The following MUCL1 variants were observed in gnomAD, a reference collection of about 807,000 sequenced individuals.
MUCL1 encodes the protein mucin-like protein 1.
A neutral mutation model predicts 9.2 loss-of-function variants in MUCL1; 11 were observed. The observed-to-expected ratio is 1.19, with a 90% confidence interval of 0.75 to 1.97. The LOEUF is 1.97. Among genes scored for constraint, MUCL1 ranks in the 30% most tolerant of loss-of-function variants. MUCL1 has a pLI of 0.00. For synonymous variants in MUCL1, 48 were observed against 40.5 expected (o/e 1.19, Z -0.71); for missense variants, 144 against 110.9 (o/e 1.30, Z -1.34).
chr12:54,841,257 A>C (rs1467132137), intron 1 of MUCL1, among the ~76,000 whole-genome samples: 1 of 152,202 alleles, frequency 6.6e-6, no homozygotes, highest in Non-Finnish European at 1.5e-5. Context: ...ACCGACACTT[A>C]GATTGTTTTT....
intron 2 of MUCL1, among the ~76,000 whole-genome samples, chr12:54,856,308 C>T (rs551938175): frequency 3.3e-5 from 5 of 152,254 alleles, no homozygotes; most frequent in Middle Eastern, 3.4e-3. Context: ...TGAGATACGT[C>T]TTCTTAGTCT....
intron 1 of MUCL1, among the ~76,000 whole-genome samples, chr12:54,841,987 C>T (rs1542360): frequency 0.033 from 4,973 of 152,120 alleles, 263 homozygotes; most frequent in African/African-American, 0.11. Flanking sequence ...TGTAATTTTT[C>T]TTCAAGATTA....
upstream of MUCL1, among the ~76,000 whole-genome samples, chr12:54,853,173 A>T (rs912794948): frequency 6.6e-6 from 1 of 152,212 alleles, no homozygotes; most frequent in South Asian, 2.1e-4. Flanking sequence ...CAATGAGGGT[A>T]TGACCCAAAA....
At chr12:54,835,624 G>A (rs1206200151), upstream of MUCL1, among the ~76,000 whole-genome samples, 1 of 144,424 alleles carries the variant, frequency 6.9e-6, no homozygotes, top group Non-Finnish European at 1.5e-5. Context: ...TTTTTTTCTG[G>A]CTGATTTGTT....
intron 3 of MUCL1, 145 bp downstream of exon 3, chr12:54,857,037 G>A: frequency 7.9e-7 from 1 of 1,265,474 alleles, no homozygotes; most frequent in Non-Finnish European, 1.1e-6. Context: ...TCTAAGTCAA[G>A]TCAACAGATA....
At chr12:54,834,535 T>C (rs924647049), upstream of MUCL1, among the ~76,000 whole-genome samples, 11 of 152,060 alleles carry the variant, frequency 7.2e-5, no homozygotes, top group African/African-American at 2.4e-4. Context: ...TGTTTTGATA[T>C]ACACAGTGAA....
intron 1 of MUCL1, among the ~76,000 whole-genome samples, chr12:54,844,255 T>A (rs774385906): frequency 1.3e-5 from 2 of 152,094 alleles, no homozygotes. Flanking sequence ...ATTTTTTTTA[T>A]TGGGGGATAA....
intron 2 of MUCL1, 162 bp downstream of exon 2, chr12:54,855,319 A>C: frequency 1.6e-6 from 1 of 629,866 alleles, no homozygotes; most frequent in Non-Finnish European, 2.9e-6. Context: ...CACCACAAAC[A>C]TAGTGAATCT....
rs561543818 is a variant in MUCL1 at position 54,832,440 on chromosome 12, T to G, written n.357+1565T>G. 1.6e-4 allele frequency among the ~76,000 whole-genome samples: 24 copies of G among 152,254 alleles called. No homozygotes were observed. In the South Asian group the frequency reaches 5.0e-3, roughly 32 times the overall value. On this transcript the variant is annotated intron_variant and non_coding_transcript_variant, in intron 1 of 3. Transcript: ENST00000547990. ...CCTCTGTTTTATGTTGTCTTTATCA[T>G]GTCTTTGATTACTTAAGAGTCTTCA...
chr12:54,842,562 A>G (rs1346794691), intron 1 of MUCL1, among the ~76,000 whole-genome samples: 3 of 152,144 alleles, frequency 2.0e-5, no homozygotes, highest in Admixed American at 1.3e-4. Flanking sequence ...CCATGTTGCC[A>G]TAAATACACA....
At chr12:54,852,054 T>A (rs1224949759), upstream of MUCL1, among the ~76,000 whole-genome samples, 1 of 152,150 alleles carries the variant, frequency 6.6e-6, no homozygotes, top group African/African-American at 2.4e-5. Flanking sequence ...GTTGGAAGAA[T>A]CAATATTGTG....
intron 1 of MUCL1, among the ~76,000 whole-genome samples, chr12:54,831,749 GTC>G (rs1959185715): frequency 1.3e-5 from 2 of 151,958 alleles, no homozygotes; most frequent in Admixed American, 1.3e-4. Flanking sequence ...ATATATTTGA[GTC>G]TGTTAATTTT....
At chr12:54,854,880 A>G (rs1035424575) in intron 1 of MUCL1, among the ~76,000 whole-genome samples, 2 of 152,146 alleles carry the variant, frequency 1.3e-5, no homozygotes, top group Non-Finnish European at 2.9e-5. Flanking sequence ...TTAGTAAAAT[A>G]TGTTCAAGAA....
intron 1 of MUCL1, among the ~76,000 whole-genome samples, chr12:54,849,142 T>C (rs1959299649): frequency 6.6e-6 from 1 of 152,134 alleles, no homozygotes; most frequent in South Asian, 2.1e-4. Context: ...GTTTATAATT[T>C]AAGGCCATTT....
chr12:54,839,483 C>G, intron 1 of MUCL1: 1 of 701,302 alleles, frequency 1.4e-6, no homozygotes, highest in Non-Finnish European at 2.6e-6. Context: ...GGACAGAGAT[C>G]CCAGCCTTGA....
intron 1 of MUCL1, among the ~76,000 whole-genome samples, chr12:54,844,494 C>T (rs1959232297): frequency 6.6e-6 from 1 of 152,194 alleles, no homozygotes; most frequent in Non-Finnish European, 1.5e-5. Flanking sequence ...TTTAGCACAA[C>T]ATCTTTATAA....
chr12:54,832,028 T>C (rs1486372721), intron 1 of MUCL1, among the ~76,000 whole-genome samples: 1 of 152,090 alleles, frequency 6.6e-6, no homozygotes, highest in African/African-American at 2.4e-5. Flanking sequence ...TATACGAGTA[T>C]GAAGGATGTG....
chr12:54,851,675 A>G (rs1284353179), upstream of MUCL1, among the ~76,000 whole-genome samples: 1 of 152,278 alleles, frequency 6.6e-6, no homozygotes, highest in East Asian at 1.9e-4. Context: ...CAGGCAGGAG[A>G]AGGAAATAAA....
chr12:54,843,091 C>T (rs555523975), intron 1 of MUCL1, among the ~76,000 whole-genome samples: 23 of 152,206 alleles, frequency 1.5e-4, no homozygotes, highest in Non-Finnish European at 2.6e-4. Context: ...ATAACATCTA[C>T]GTTTGTGTAA....
Sources: gnomAD v4.1 joint callset for allele counts (sites outside exome capture counted in the v4.1 genomes callset) on GRCh38, gnomAD v4.1.1 for gene constraint, MANE v1.5 for transcripts, NCBI Gene and HGNC (gene_info 2026-07-23, HGNC 2026-07-21) for gene names.